The following TENM2 variants were observed in gnomAD, a reference collection of about 807,000 sequenced individuals.
TENM2 encodes teneurin transmembrane protein 2.
A neutral mutation model predicts 245.2 loss-of-function variants in TENM2; 52 were observed. The ratio of observed to expected loss-of-function variants is 0.21; its 90% CI spans 0.17 to 0.27. The LOEUF (loss-of-function observed/expected upper bound fraction) is 0.27, where lower values mean the gene tolerates loss of function less well. TENM2 is among the 10% of genes least tolerant of loss of function. The pLI, the probability that TENM2 is intolerant of heterozygous loss-of-function variation, is 1.00. For synonymous variants in TENM2, 1,363 were observed against 1,438.9 expected (o/e 0.95, Z 1.19); for missense variants, 3,046 against 3,666.8 (o/e 0.83, Z 4.37).
At chr5:167,677,516 G>A (rs1333712837) in intron 2 of TENM2, among the ~76,000 whole-genome samples, 1 of 151,288 alleles carries the variant, frequency 6.6e-6, no homozygotes, top group African/African-American at 2.4e-5. Flanking sequence ...ATCAAAATCT[G>A]TCAGAATACA....
intron 7 of TENM2, among the ~76,000 whole-genome samples, chr5:168,082,915 G>A (rs547922399): frequency 6.6e-6 from 1 of 152,324 alleles, no homozygotes; most frequent in South Asian, 2.1e-4. Context: ...CCCACTTGAG[G>A]AGGCAGTCTG....
At chr5:167,386,767 G>T (rs988455982) in intron 2 of TENM2, among the ~76,000 whole-genome samples, 31 of 152,092 alleles carry the variant, frequency 2.0e-4, no homozygotes, top group Non-Finnish European at 3.5e-4. Flanking sequence ...GTTGAAAAGG[G>T]TGTCCTTTCC....
At chr5:168,219,862 A>T in intron 23 of TENM2, among the ~76,000 whole-genome samples, 1 of 138,650 alleles carries the variant, frequency 7.2e-6, no homozygotes, top group Non-Finnish European at 1.5e-5. Context: ...GGGGGACAAG[A>T]GGGAGAACAG....
At chr5:167,301,622 G>T (rs1175092858) in intron 1 of TENM2, among the ~76,000 whole-genome samples, 3 of 152,168 alleles carry the variant, frequency 2.0e-5, no homozygotes, top group Non-Finnish European at 4.4e-5. Context: ...ATAATAAAAT[G>T]TATATTGAGC....
upstream of TENM2, among the ~76,000 whole-genome samples, chr5:167,281,366 C>T (rs1259511177): frequency 4.0e-5 from 6 of 151,648 alleles, no homozygotes; most frequent in Middle Eastern, 3.4e-3. Flanking sequence ...GCACCCTCCT[C>T]GACCTCCCAA....
At chr5:167,674,273 G>A (rs1756159738) in intron 2 of TENM2, among the ~76,000 whole-genome samples, 1 of 152,030 alleles carries the variant, frequency 6.6e-6, no homozygotes, top group Admixed American at 6.6e-5. Context: ...ATGCAGGTCA[G>A]GTCACCTTAG....
At chr5:168,006,139 G>A (rs780316520) in intron 5 of TENM2, among the ~76,000 whole-genome samples, 1 of 152,162 alleles carries the variant, frequency 6.6e-6, no homozygotes, top group Non-Finnish European at 1.5e-5. Flanking sequence ...GGATGATGAG[G>A]CTACAGTTTT....
chr5:167,845,276 CACACA>C, intron 2 of TENM2, among the ~76,000 whole-genome samples: 1 of 101,120 alleles, frequency 9.9e-6, no homozygotes. Context: ...CACACACACA[CACACA>C]ACACGGCCCC....
At chr5:167,381,813 A>G (rs1473080162) in intron 2 of TENM2, among the ~76,000 whole-genome samples, 1 of 152,186 alleles carries the variant, frequency 6.6e-6, no homozygotes, top group Non-Finnish European at 1.5e-5. Flanking sequence ...TCATGTATTC[A>G]GAGCTAGAAT....
At chr5:168,004,517 G>GCGCGCGCGCACACA (rs898616203) in intron 5 of TENM2, among the ~76,000 whole-genome samples, 121 of 132,216 alleles carry the variant, frequency 9.2e-4, no homozygotes, top group African/African-American at 3.6e-3. Flanking sequence ...GCGCGCGCGC[G>GCGCGCGCGCACACA]CACACACACA....
intron 3 of TENM2, among the ~76,000 whole-genome samples, chr5:167,884,394 A>G (rs1027839218): frequency 1.3e-5 from 2 of 152,200 alleles, no homozygotes; most frequent in Admixed American, 6.5e-5. Flanking sequence ...CTCTATACCC[A>G]TTAAACACTA....
rs769028152 is a variant in TENM2, at chr5:168,126,794, C to T, written c.2250C>T (p.Ile750=). ...ACTGTGGCACTCACGGCGTCTGCATCGGGGGAGCCTGCCGCTGTGAAGAGG... is the reference window on the plus strand; with the variant it reads ...ACTGTGGCACTCACGGCGTCTGCATTGGGGGAGCCTGCCGCTGTGAAGAGG... The change falls in exon 12 of 29, where the codon ATC becomes ATT. Residue 750 remains isoleucine (I), a synonymous_variant. Coordinates refer to ENST00000518659, the Ensembl canonical transcript of TENM2. 5.0e-6 allele frequency: 8 copies of T among 1,613,090 alleles called. No homozygotes were observed. The Admixed American group carries it at 6.7e-5, about 13-fold the overall frequency.
chr5:167,319,814 C>G (rs984430469), intron 1 of TENM2, among the ~76,000 whole-genome samples: 2 of 152,114 alleles, frequency 1.3e-5, no homozygotes, highest in African/African-American at 4.8e-5. Flanking sequence ...CTACCTAGAA[C>G]CTATTAAATG....
At chr5:167,881,722 G>T (rs1773894498) in intron 3 of TENM2, among the ~76,000 whole-genome samples, 1 of 152,092 alleles carries the variant, frequency 6.6e-6, no homozygotes, top group African/African-American at 2.4e-5. Context: ...TTCTGGACAG[G>T]TTCTTGTCCC....
At chr5:168,109,247 C>G (rs1157537411) in intron 9 of TENM2, among the ~76,000 whole-genome samples, 1 of 152,194 alleles carries the variant, frequency 6.6e-6, no homozygotes, top group Non-Finnish European at 1.5e-5. Flanking sequence ...AGCAGGTGCA[C>G]TTGGTATATG....
intron 12 of TENM2, 72 bp downstream of exon 14, chr5:168,127,038 C>G (rs2152361181): frequency 7.7e-7 from 1 of 1,301,204 alleles, no homozygotes; most frequent in East Asian, 2.5e-5. Flanking sequence ...GCTGTTCCTT[C>G]AGGGACACAA....
At chr5:167,354,845 G>A (rs1458224482) in intron 1 of TENM2, among the ~76,000 whole-genome samples, 2 of 152,130 alleles carry the variant, frequency 1.3e-5, no homozygotes, top group South Asian at 2.1e-4. Context: ...ATGAAGAAAT[G>A]AATGAATGAT....
At chr5:167,115,707 A>G in the TENM2 span, among the ~76,000 whole-genome samples, 2 of 152,354 alleles carry the variant, frequency 1.3e-5, no homozygotes, top group African/African-American at 4.8e-5. Context: ...AAAACAGAAA[A>G]TAAATTATGG....
chr5:167,631,855 T>C (rs1778899544), intron 2 of TENM2, among the ~76,000 whole-genome samples: 1 of 152,176 alleles, frequency 6.6e-6, no homozygotes, highest in Admixed American at 6.5e-5. Context: ...TTTTTAATCA[T>C]AGCCCAGATT....
Sources: gnomAD v4.1 joint callset for allele counts (sites outside exome capture counted in the v4.1 genomes callset) on GRCh38, gnomAD v4.1.1 for gene constraint, MANE v1.5 for transcripts, NCBI Gene and HGNC (gene_info 2026-07-23, HGNC 2026-07-21) for gene names.